Variants in AGBL1 observed in about 807,000 individuals in gnomAD.
The protein encoded by AGBL1 is cytosolic carboxypeptidase 4.
Under a neutral mutation model 118.9 loss-of-function variants are expected in AGBL1, and 130 were observed. That is an observed-to-expected ratio of 1.09 (90% CI 0.95 to 1.26). The LOEUF (loss-of-function observed/expected upper bound fraction) is 1.26, where lower values mean the gene tolerates loss of function less well. Ranked by LOEUF, AGBL1 falls within the 50% of genes most tolerant of loss-of-function variation. AGBL1 has a pLI of 0.00. For synonymous variants in AGBL1, 555 were observed against 478.9 expected, an observed-to-expected ratio of 1.16 and a Z score of -2.08; for missense variants, 1,584 against 1,298.1, an observed-to-expected ratio of 1.22 and a Z score of -3.38.
At chr15:86,160,667 C>G (rs1041192360) in intron 5 of AGBL1, among the ~76,000 whole-genome samples, 5 of 152,196 alleles carry the variant, frequency 3.3e-5, no homozygotes, top group African/African-American at 1.2e-4. Context: ...AAGGCTTCTT[C>G]TAATCTGATG....
chr15:86,715,014 C>T (rs1458898288), intron 22 of AGBL1, among the ~76,000 whole-genome samples: 1 of 152,186 alleles, frequency 6.6e-6, no homozygotes, highest in Non-Finnish European at 1.5e-5. Context: ...GTATGACCTT[C>T]CTCCTCATCC....
At chr15:86,680,866 C>T (rs8042406) in intron 22 of AGBL1, among the ~76,000 whole-genome samples, 115,153 of 151,968 alleles carry the variant, frequency 0.76, 45,523 homozygotes, top group East Asian at 0.89. Context: ...TGCACCTGGC[C>T]GCACCCTGTC....
chr15:86,544,590 A>G (rs554647438), intron 19 of AGBL1, among the ~76,000 whole-genome samples: 1 of 152,336 alleles, frequency 6.6e-6, no homozygotes, highest in South Asian at 2.1e-4. Context: ...GGCAGCAGGC[A>G]AGAGAAGGAA....
At chr15:86,858,280 T>C (rs1025533127) in intron 22 of AGBL1, among the ~76,000 whole-genome samples, 2 of 152,092 alleles carry the variant, frequency 1.3e-5, no homozygotes, top group African/African-American at 4.8e-5. Context: ...ATTGGAAAAT[T>C]AGATATAATA....
chr15:86,219,526 G>A (rs1194745491), intron 5 of AGBL1, among the ~76,000 whole-genome samples: 1 of 152,002 alleles, frequency 6.6e-6, no homozygotes, highest in Admixed American at 6.5e-5. Flanking sequence ...AAGCAGAAAA[G>A]TGGCTGCTCC....
intron 18 of AGBL1, among the ~76,000 whole-genome samples, chr15:86,420,505 G>A (rs551118636): frequency 6.6e-6 from 1 of 152,290 alleles, no homozygotes; most frequent in East Asian, 1.9e-4. Context: ...GCACAAAGAT[G>A]AGGAAAAATG....
At chr15:86,636,610 C>A (rs2085090430) in intron 21 of AGBL1, among the ~76,000 whole-genome samples, 1 of 145,900 alleles carries the variant, frequency 6.9e-6, no homozygotes, top group African/African-American at 2.5e-5. Context: ...CACATCCTCA[C>A]TGTAAGGAGA....
intron 1 of AGBL1, among the ~76,000 whole-genome samples, chr15:86,112,092 T>G (rs550597609): frequency 4.6e-5 from 7 of 152,178 alleles, no homozygotes; most frequent in African/African-American, 1.4e-4. Context: ...TGATTCTACA[T>G]TATGGGGAGT....
At chr15:86,739,499 A>G (rs2077647738) in intron 22 of AGBL1, among the ~76,000 whole-genome samples, 1 of 149,290 alleles carries the variant, frequency 6.7e-6, no homozygotes, top group Non-Finnish European at 1.5e-5. Flanking sequence ...CACAGGATCC[A>G]TCAAGATTCA....
At chr15:87,030,831 TG>T (rs543408175), downstream of AGBL1, among the ~76,000 whole-genome samples, 59 of 151,976 alleles carry the variant, frequency 3.9e-4, no homozygotes, top group Non-Finnish European at 6.9e-4. Context: ...TCAGTGTATT[TG>T]AACTCTATTA....
intron 24 of AGBL1, among the ~76,000 whole-genome samples, chr15:86,993,604 T>A (rs1456331933): frequency 6.6e-6 from 1 of 152,184 alleles, no homozygotes; most frequent in Admixed American, 6.5e-5. Context: ...TATATGAGTA[T>A]GCTGCCTTTG....
At chr15:86,298,839 G>T (rs2141790036) in intron 17 of AGBL1, among the ~76,000 whole-genome samples, 1 of 152,258 alleles carries the variant, frequency 6.6e-6, no homozygotes. Flanking sequence ...ATGGAATGCT[G>T]GGGGAACTCC....
At chr15:86,779,101 T>C (rs2141303497) in intron 22 of AGBL1, among the ~76,000 whole-genome samples, 1 of 151,776 alleles carries the variant, frequency 6.6e-6, no homozygotes, top group Non-Finnish European at 1.5e-5. Flanking sequence ...TGTCTCCTTT[T>C]GCTCTTTGAC....
intron 16 of AGBL1, among the ~76,000 whole-genome samples, chr15:86,283,204 AATTAT>A (rs1278310684): frequency 6.6e-6 from 1 of 152,188 alleles, no homozygotes; most frequent in Non-Finnish European, 1.5e-5. Context: ...ACAGTATTAG[AATTAT>A]GTTATAAATA....
intron 1 of AGBL1, among the ~76,000 whole-genome samples, chr15:86,128,991 G>A (rs2141602738): frequency 1.3e-5 from 2 of 152,242 alleles, no homozygotes; most frequent in South Asian, 4.1e-4. Context: ...AGCCAATCAT[G>A]GATAAATTGG....
chr15:86,611,892 C>A (rs73443525), intron 21 of AGBL1, among the ~76,000 whole-genome samples: 3,959 of 152,266 alleles, frequency 0.026, 174 homozygotes, highest in African/African-American at 0.087. Context: ...TTAATTTGAT[C>A]TTACCCTGCA....
intron 23 of AGBL1, among the ~76,000 whole-genome samples, chr15:86,929,889 A>G (rs894255467): frequency 9.9e-5 from 15 of 152,220 alleles, no homozygotes; most frequent in Non-Finnish European, 1.8e-4. Context: ...AAACTAGAAT[A>G]TGCCACTTCA....
chr15:86,157,154 A>G (rs1287890415), intron 4 of AGBL1, among the ~76,000 whole-genome samples: 2 of 152,122 alleles, frequency 1.3e-5, no homozygotes, highest in Non-Finnish European at 2.9e-5. Flanking sequence ...AAAAGAAGGT[A>G]TTTCTGGGGG....
intron 20 of AGBL1, among the ~76,000 whole-genome samples, chr15:86,548,815 A>T (rs1206900288): frequency 6.6e-6 from 1 of 152,128 alleles, no homozygotes; most frequent in African/African-American, 2.4e-5. Flanking sequence ...TGGATAAATT[A>T]TAAAGAAAAG....
Sources: gnomAD v4.1 joint callset for allele counts (sites outside exome capture counted in the v4.1 genomes callset) on GRCh38, gnomAD v4.1.1 for gene constraint, MANE v1.5 for transcripts, NCBI Gene and HGNC (gene_info 2026-07-23, HGNC 2026-07-21) for gene names.